PDGFD: variants seen among roughly 807,000 people sequenced by gnomAD.
PDGFD encodes platelet-derived growth factor D.
PDGFD carries 30 observed loss-of-function variants against 44.7 expected under a neutral mutation model. The ratio of observed to expected loss-of-function variants is 0.67; its 90% CI spans 0.50 to 0.91. The LOEUF (loss-of-function observed/expected upper bound fraction) is 0.91, where lower values mean the gene tolerates loss of function less well. PDGFD is among the 40% of genes least tolerant of loss of function. The probability of loss-of-function intolerance (pLI) is 0.00; values close to 1 mark genes in which losing one functional copy is unlikely to be tolerated. For synonymous variants in PDGFD, 173 were observed against 168.4 expected (o/e 1.03, Z -0.21); for missense variants, 445 against 457.8 (o/e 0.97, Z 0.25).
At chr11:103,966,813 C>T (rs1210326977) in intron 3 of PDGFD, among the ~76,000 whole-genome samples, 1 of 145,846 alleles carries the variant, frequency 6.9e-6, no homozygotes, top group Non-Finnish European at 1.5e-5. Context: ...TAGACAGACC[C>T]CTGAATCGCT....
intron 6 of PDGFD, among the ~76,000 whole-genome samples, chr11:103,918,061 T>C (rs990611857): frequency 1.8e-4 from 27 of 152,192 alleles, no homozygotes; most frequent in Non-Finnish European, 4.4e-5. Flanking sequence ...GAATGGAAGA[T>C]GGAGATCTGT....
intron 1 of PDGFD, among the ~76,000 whole-genome samples, chr11:104,071,093 T>C (rs528821428): frequency 3.3e-5 from 5 of 152,070 alleles, no homozygotes; most frequent in African/African-American, 1.2e-4. Flanking sequence ...ATATATATAA[T>C]GTTAAATCCC....
Position 103,909,639 on chromosome 11 carries a change from AC to A in PDGFD, c.*54del. 1.2e-6 allele frequency: 2 copies of A among 1,603,224 alleles called. No homozygotes were observed. The highest frequency in any genetic ancestry group is 1.3e-5 in the African/African-American group (1 of 74,760). ...TGGTAGGAAAAGGGTCTCTTATCTC[AC>A]CCTCCTTAAACTAAAGGTTCTTTCA... is the stretch of plus-strand genomic sequence containing the variant. On this transcript the variant is annotated 3_prime_UTR_variant, in exon 7 of 7. Transcript: ENST00000393158.
chr11:104,140,463 G>C (rs1591183603), intron 1 of PDGFD, among the ~76,000 whole-genome samples: 1 of 142,706 alleles, frequency 7.0e-6, no homozygotes, highest in Non-Finnish European at 1.5e-5. Flanking sequence ...ACAATCCTCT[G>C]TTAAAACATG....
chr11:103,925,034 T>C (rs1279067523), intron 6 of PDGFD, among the ~76,000 whole-genome samples: 1 of 152,144 alleles, frequency 6.6e-6, no homozygotes, highest in East Asian at 1.9e-4. Context: ...AACTCTCACT[T>C]ATGAGTGAGA....
At chr11:103,911,814 C>T (rs752273430) in intron 6 of PDGFD, among the ~76,000 whole-genome samples, 7 of 151,786 alleles carry the variant, frequency 4.6e-5, no homozygotes, top group Non-Finnish European at 1.0e-4. Flanking sequence ...AAACGCAAGA[C>T]AAGAACTTCA....
chr11:103,980,859 C>T (rs1859260311), intron 3 of PDGFD, among the ~76,000 whole-genome samples: 1 of 151,964 alleles, frequency 6.6e-6, no homozygotes, highest in African/African-American at 2.4e-5. Flanking sequence ...GAGCCCTCAC[C>T]AAAACCCTAC....
intron 1 of PDGFD, among the ~76,000 whole-genome samples, chr11:104,089,906 T>C (rs1031743986): frequency 2.0e-5 from 3 of 152,200 alleles, no homozygotes; most frequent in Admixed American, 1.3e-4. Context: ...GGTTGACCAT[T>C]GCTCCCTAGA....
intron 1 of PDGFD, among the ~76,000 whole-genome samples, chr11:104,041,008 CTTCT>C (rs1015917617): frequency 5.9e-5 from 9 of 152,050 alleles, no homozygotes; most frequent in African/African-American, 2.2e-4. Context: ...TCCTTTGCAA[CTTCT>C]TTATCTGACA....
chr11:103,982,884 G>C (rs185232380), intron 3 of PDGFD, among the ~76,000 whole-genome samples: 3 of 151,488 alleles, frequency 2.0e-5, no homozygotes, highest in Non-Finnish European at 4.4e-5. Context: ...TCCCTACAAG[G>C]AGAACTACAA....
At chr11:104,147,360 G>A (rs7943401) in intron 1 of PDGFD, among the ~76,000 whole-genome samples, 36,153 of 151,858 alleles carry the variant, frequency 0.24, 4,354 homozygotes, top group East Asian at 0.34. Context: ...ATCCAATAAG[G>A]TATTTCCAAA....
intron 1 of PDGFD, among the ~76,000 whole-genome samples, chr11:104,026,697 T>C (rs1324299506): frequency 6.6e-6 from 1 of 152,232 alleles, no homozygotes; most frequent in East Asian, 1.9e-4. Context: ...ATGGTTACAA[T>C]GTCCAGTCCA....
chr11:104,098,480 G>T (rs1258064537), intron 1 of PDGFD, among the ~76,000 whole-genome samples: 1 of 150,082 alleles, frequency 6.7e-6, no homozygotes, highest in Non-Finnish European at 1.5e-5. Context: ...CATATATAGA[G>T]AGGGGAAATA....
intron 1 of PDGFD, among the ~76,000 whole-genome samples, chr11:104,032,375 T>C (rs911693100): frequency 7.9e-5 from 12 of 152,172 alleles, no homozygotes; most frequent in Non-Finnish European, 1.5e-4. Flanking sequence ...TAAATTGCAC[T>C]GAAAATCTCA....
chr11:104,032,652 C>CTTT (rs202215171), intron 1 of PDGFD, among the ~76,000 whole-genome samples: 2 of 137,994 alleles, frequency 1.4e-5, no homozygotes, highest in African/African-American at 5.3e-5. Context: ...GGATTTTTTT[C>CTTT]TTTTTTTTTT....
At chr11:104,026,551 C>A (rs1860044383) in intron 1 of PDGFD, among the ~76,000 whole-genome samples, 1 of 152,128 alleles carries the variant, frequency 6.6e-6, no homozygotes, top group Non-Finnish European at 1.5e-5. Context: ...AGATAATTCA[C>A]CTGTTATCCC....
chr11:103,919,502 CTTTTTT>C (rs71037206), intron 6 of PDGFD, among the ~76,000 whole-genome samples: 295 of 88,778 alleles, frequency 3.3e-3, no homozygotes, highest in Non-Finnish European at 4.9e-3. Context: ...AAGATTCTTC[CTTTTTT>C]TTTTTTTTTT....
intron 1 of PDGFD, among the ~76,000 whole-genome samples, chr11:104,064,903 T>TGAAG (rs1365849502): frequency 6.6e-6 from 1 of 152,224 alleles, no homozygotes; most frequent in Non-Finnish European, 1.5e-5. Context: ...TTGATGGAAT[T>TGAAG]GAAGGATACA....
intron 1 of PDGFD, among the ~76,000 whole-genome samples, chr11:104,043,169 G>C (rs1445476964): frequency 1.3e-5 from 2 of 152,180 alleles, no homozygotes; most frequent in Non-Finnish European, 2.9e-5. Context: ...ATATGGAGTA[G>C]AGGGAATGGT....
Sources: gnomAD v4.1 joint callset for allele counts (sites outside exome capture counted in the v4.1 genomes callset) on GRCh38, gnomAD v4.1.1 for gene constraint, MANE v1.5 for transcripts, NCBI Gene and HGNC (gene_info 2026-07-23, HGNC 2026-07-21) for gene names.